Variants in SYT16 observed in about 807,000 individuals in gnomAD.
SYT16 encodes the protein synaptotagmin-16.
A neutral mutation model predicts 61.4 loss-of-function variants in SYT16; 42 were observed. The observed-to-expected ratio is 0.68, with a 90% CI of 0.53 to 0.89. SYT16 has a LOEUF of 0.89. Among genes scored for constraint, SYT16 ranks in the 40% least tolerant of loss-of-function variants. SYT16 has a pLI of 0.00. For synonymous variants in SYT16, 314 were observed against 302.3 expected (o/e 1.04, Z -0.40); for missense variants, 804 against 807.3 (o/e 1.00, Z 0.05).
At chr14:62,095,582 A>G (rs1263593063) in intron 7 of SYT16, among the ~76,000 whole-genome samples, 1 of 151,856 alleles carries the variant, frequency 6.6e-6, no homozygotes, top group African/African-American at 2.4e-5. Flanking sequence ...TGAAAGACAC[A>G]AACAGAAACT....
chr14:62,083,556 C>T (rs1420524151), intron 6 of SYT16, among the ~76,000 whole-genome samples: 5 of 152,190 alleles, frequency 3.3e-5, no homozygotes, highest in Non-Finnish European at 7.3e-5. Context: ...CCTGCCAGGT[C>T]GCTGAGACCC....
At chr14:61,891,242 G>GCGCACACACACA (rs1555353030) in intron 1 of SYT16, among the ~76,000 whole-genome samples, 4 of 147,802 alleles carry the variant, frequency 2.7e-5, no homozygotes, top group South Asian at 2.2e-4. Flanking sequence ...ACACACACGC[G>GCGCACACACACA]CACACACACA....
chr14:62,069,905 G>A, intron 4 of SYT16, 90 bp downstream of exon 4: 2 of 1,372,020 alleles, frequency 1.5e-6, no homozygotes, highest in Non-Finnish European at 2.0e-6. Flanking sequence ...CTCTGCATCT[G>A]AGAGTCCAGA....
rs1566852783 is a variant in SYT16, at chr14:62,102,183, ACTC to A, written c.*1483_*1485del. 2 of 151,942 alleles carry A rather than the reference ACTC, an allele frequency of 1.3e-5. No individual in the cohort carries two copies. The highest frequency in any genetic ancestry group is 1.9e-4 in the East Asian group (1 of 5,182). 9.4% of individuals were successfully genotyped at this position (151,942 alleles called of 1,614,324 possible). ...GGCTGTATACAGTTAAAAACACATA[ACTC>A]CTCCTCAGCTCCACGTTTTGACAGA... On this transcript the variant is annotated 3_prime_UTR_variant, in exon 8 of 8. Transcript: ENST00000683842.
intron 1 of SYT16, among the ~76,000 whole-genome samples, chr14:61,961,689 A>G (rs113759029): frequency 0.024 from 3,659 of 152,326 alleles, 64 homozygotes; most frequent in South Asian, 0.029. Flanking sequence ...TAGTTTAGCT[A>G]TTGTGGAAAG....
intron 3 of SYT16, among the ~76,000 whole-genome samples, chr14:62,013,863 C>A (rs938649702): frequency 7.2e-5 from 11 of 151,938 alleles, no homozygotes; most frequent in African/African-American, 2.7e-4. Flanking sequence ...ACTTGAGAGG[C>A]TGAGGCAAAA....
chr14:62,095,166 C>T (rs35592703), intron 7 of SYT16, among the ~76,000 whole-genome samples: 3,147 of 152,124 alleles, frequency 0.021, 61 homozygotes, highest in Middle Eastern at 0.041. Context: ...ACTTGCTCAA[C>T]TTGACAGTGG....
intron 1 of SYT16, among the ~76,000 whole-genome samples, chr14:61,894,154 A>G (rs8008341): frequency 0.3 from 46,158 of 151,908 alleles, 7,193 homozygotes; most frequent in Admixed American, 0.36. Flanking sequence ...GCATTGTGGC[A>G]GGTGCCTGTA....
intron 2 of SYT16, among the ~76,000 whole-genome samples, chr14:61,993,594 C>T (rs1393257737): frequency 6.6e-6 from 1 of 151,764 alleles, no homozygotes; most frequent in East Asian, 1.9e-4. Context: ...CAGAGAGAAC[C>T]TTGTAAATCT....
intron 1 of SYT16, among the ~76,000 whole-genome samples, chr14:61,859,323 A>G (rs1322573966): frequency 6.6e-6 from 1 of 152,128 alleles, no homozygotes; most frequent in Non-Finnish European, 1.5e-5. Flanking sequence ...AAAGAGCGAC[A>G]AGATGGCGGC....
chr14:61,873,399 T>G (rs2047389841), intron 1 of SYT16, among the ~76,000 whole-genome samples: 1 of 152,218 alleles, frequency 6.6e-6, no homozygotes, highest in East Asian at 1.9e-4. Context: ...TTTGCCTCGC[T>G]TCTCCTTAAC....
intron 1 of SYT16, among the ~76,000 whole-genome samples, chr14:61,827,587 A>G (rs1377691155): frequency 6.6e-6 from 1 of 152,162 alleles, no homozygotes; most frequent in Non-Finnish European, 1.5e-5. Context: ...AATCAATGCT[A>G]TTATTGTTAA....
chr14:61,817,984 T>G (rs879768961), intron 1 of SYT16, among the ~76,000 whole-genome samples: 107 of 152,332 alleles, frequency 7.0e-4, no homozygotes, highest in Middle Eastern at 3.4e-3. Flanking sequence ...TCTGCGAATT[T>G]GGGGGAGGGA....
chr14:61,950,632 C>T (rs1485631101), intron 1 of SYT16, among the ~76,000 whole-genome samples: 8 of 152,154 alleles, frequency 5.3e-5, no homozygotes, highest in Non-Finnish European at 1.0e-4. Context: ...TCTAGAACTT[C>T]GGCCCACGTG....
chr14:62,008,631 CT>C (rs374026559), intron 3 of SYT16, among the ~76,000 whole-genome samples: 26,481 of 134,768 alleles, frequency 0.2, 2,306 homozygotes, highest in Non-Finnish European at 0.23. Context: ...TTTCTGTTTT[CT>C]TTTTTTTTTT....
intron 1 of SYT16, among the ~76,000 whole-genome samples, chr14:61,816,814 A>T (rs966950081): frequency 6.6e-6 from 1 of 151,248 alleles, no homozygotes. Context: ...GATGAAGACC[A>T]TCCTGGCTAA....
intron 1 of SYT16, among the ~76,000 whole-genome samples, chr14:61,827,323 T>C (rs2045803643): frequency 6.6e-6 from 1 of 152,216 alleles, no homozygotes; most frequent in South Asian, 2.1e-4. Context: ...TAGCCTGTTG[T>C]GGCATTTCCC....
At chr14:61,948,483 C>T (rs2784499) in intron 1 of SYT16, among the ~76,000 whole-genome samples, 7,206 of 151,222 alleles carry the variant, frequency 0.048, 305 homozygotes, top group African/African-American at 0.11. Context: ...TCACGGCAGT[C>T]GGGCCTCAGA....
intron 1 of SYT16, among the ~76,000 whole-genome samples, chr14:61,845,416 A>C (rs189343409): frequency 6.6e-5 from 10 of 152,260 alleles, no homozygotes; most frequent in African/African-American, 1.9e-4. Flanking sequence ...TTCATGGTTC[A>C]ATCTTGGTAG....
Sources: allele counts gnomAD v4.1 joint callset (sites outside exome capture counted in the v4.1 genomes callset), GRCh38; gene constraint gnomAD v4.1.1; transcripts MANE v1.5; gene names NCBI Gene and HGNC (gene_info 2026-07-23, HGNC 2026-07-21).